Variants in SCYL2 observed in about 807,000 individuals in gnomAD.
The protein encoded by SCYL2 is SCY1-like protein 2.
In SCYL2, 36 loss-of-function variants were observed where a neutral mutation model predicts 100.4. The observed-to-expected ratio is 0.36, with a 90% CI of 0.27 to 0.47. The LOEUF (loss-of-function observed/expected upper bound fraction) is 0.47, where lower values mean the gene tolerates loss of function less well. SCYL2 is among the 20% of genes least tolerant of loss of function. The pLI is 1.00. For missense variants in SCYL2, 902 were observed against 1,083.9 expected (o/e 0.83, Z 2.36); for synonymous variants, 330 against 359.2 (o/e 0.92, Z 0.92).
chr12:100,279,319 T>A (rs1423291977), intron 1 of SCYL2, among the ~76,000 whole-genome samples: 1 of 152,246 alleles, frequency 6.6e-6, no homozygotes, highest in African/African-American at 2.4e-5. Context: ...GCCACCTATC[T>A]GAGAGGAGGC....
intron 1 of SCYL2, among the ~76,000 whole-genome samples, chr12:100,272,772 C>G (rs528101931): frequency 6.6e-6 from 1 of 152,114 alleles, no homozygotes; most frequent in African/African-American, 2.4e-5. Context: ...CTTAATTTTT[C>G]CTTTCTTCTC....
chr12:100,294,367 C>T (rs2096314854), intron 3 of SCYL2, among the ~76,000 whole-genome samples: 2 of 118,786 alleles, frequency 1.7e-5, no homozygotes, highest in Non-Finnish European at 1.8e-5. Flanking sequence ...GACGGGGCGG[C>T]TGGCCGGGCG....
In SCYL2 at chr12:100,291,738, C is replaced by G. The variant is rs947727198; in HGVS notation, c.335+78C>G. 6.6e-6 allele frequency: 9 copies of G among 1,364,936 alleles called. No individual in the cohort carries two copies. The Admixed American group carries it at 2.5e-4, about 37-fold the overall frequency. 84.6% of individuals were successfully genotyped at this position (1,364,936 alleles called of 1,614,324 possible). A position where few individuals can be genotyped will look rare whatever the true frequency, so the allele number is the denominator to read the frequency against. ...ATAATTTTATATTTGAAATCTGTTT[C>G]AAGTATTGTCAGTGAAAAATTCTTA... is the stretch of plus-strand genomic sequence containing the variant. On this transcript the variant is annotated intron_variant, in intron 3 of 17. Coordinates refer to ENST00000360820, the MANE Select transcript of SCYL2 (RefSeq NM_017988.6).
At chr12:100,320,170 A>G (rs2096353985) in intron 10 of SCYL2, among the ~76,000 whole-genome samples, 1 of 152,168 alleles carries the variant, frequency 6.6e-6, no homozygotes, top group African/African-American at 2.4e-5. Context: ...AGAGTTTGCT[A>G]ATTAGACTCC....
chr12:100,335,616 C>A lies in SCYL2; in HGVS notation c.1863-9C>A, dbSNP rs752554029. On this transcript the variant is annotated splice_polypyrimidine_tract_variant and intron_variant, in intron 14 of 17. Transcript: ENST00000360820. ...TTTATTGTTTTATCATAATTCAACT[C>A]TCCTACAGATCTTTGGATATAGGAA... 32 of 1,567,958 alleles carry A rather than the reference C, an allele frequency of 2.0e-5. No homozygotes were observed. In the African/African-American group the frequency reaches 3.7e-4, roughly 18 times the overall value.
intron 13 of SCYL2, among the ~76,000 whole-genome samples, chr12:100,329,814 G>T (rs139867782): frequency 4.7e-4 from 72 of 152,264 alleles, no homozygotes; most frequent in African/African-American, 1.7e-3. Context: ...ACTTCTAAGC[G>T]CACTTACGTG....
chr12:100,279,836 C>T (rs939314562), intron 1 of SCYL2, among the ~76,000 whole-genome samples: 1 of 152,212 alleles, frequency 6.6e-6, no homozygotes, highest in Non-Finnish European at 1.5e-5. Context: ...CTTGCCAGAC[C>T]TGGTGGAGTG....
chr12:100,339,447 T>C lies in SCYL2; in HGVS notation c.*275T>C. ...TCTCAAAGAGAAAAAGGAAACTGAG[T>C]TATCTTGAATAACATAACTTTTTAA... On this transcript the variant is annotated 3_prime_UTR_variant, in exon 18 of 18. Transcript: ENST00000360820. The C allele has an allele frequency of 2.6e-6, 1 of 391,808 alleles. No homozygotes were observed. Among genetic ancestry groups the C allele is most frequent in the Non-Finnish European group, 4.6e-6 (1 of 217,970 alleles). The allele number at this position is 391,808 out of a possible 1,614,324, so 24.3% of individuals were successfully genotyped here.
At chr12:100,304,337 G>A (rs1481086441) in intron 4 of SCYL2, among the ~76,000 whole-genome samples, 3 of 152,052 alleles carry the variant, frequency 2.0e-5, no homozygotes, top group Admixed American at 6.5e-5. Flanking sequence ...CTCGGTGTCT[G>A]CCCAAACGGC....
intron 3 of SCYL2, among the ~76,000 whole-genome samples, chr12:100,294,504 G>C (rs1260297567): frequency 8.4e-6 from 1 of 119,672 alleles, no homozygotes; most frequent in African/African-American, 3.5e-5. Context: ...CTGGCCAGGC[G>C]GGGGGCTGAC....
chr12:100,294,740 TG>T (rs2096316412), intron 3 of SCYL2, among the ~76,000 whole-genome samples: 1 of 61,496 alleles, frequency 1.6e-5, no homozygotes, highest in East Asian at 5.1e-4. Context: ...GCTGGCCGGG[TG>T]GGGGGCTGAC....
chr12:100,272,637 C>T (rs1175057472), intron 1 of SCYL2, among the ~76,000 whole-genome samples: 1 of 152,090 alleles, frequency 6.6e-6, no homozygotes, highest in African/African-American at 2.4e-5. Context: ...GAGTTCTTCC[C>T]CTATAAAACA....
At chr12:100,293,569 C>T (rs1320128091) in intron 3 of SCYL2, among the ~76,000 whole-genome samples, 1 of 149,796 alleles carries the variant, frequency 6.7e-6, no homozygotes, top group Non-Finnish European at 1.5e-5. Context: ...TTGGGTGTTT[C>T]TCACAGAGGG....
At chr12:100,270,700 C>T (rs972224331) in intron 1 of SCYL2, among the ~76,000 whole-genome samples, 1 of 150,598 alleles carries the variant, frequency 6.6e-6, no homozygotes, top group African/African-American at 2.5e-5. Context: ...GTCTCGAACT[C>T]CTGAGCTCAA....
At chr12:100,272,908 A>G (rs939297132) in intron 1 of SCYL2, among the ~76,000 whole-genome samples, 1 of 152,230 alleles carries the variant, frequency 6.6e-6, no homozygotes, top group Non-Finnish European at 1.5e-5. Context: ...AAATATCTGT[A>G]TAACTAGCAC....
intron 3 of SCYL2, among the ~76,000 whole-genome samples, chr12:100,294,452 G>A (rs2096315371): frequency 4.0e-5 from 4 of 100,400 alleles, no homozygotes; most frequent in African/African-American, 8.0e-5. Context: ...TCCCAGTAGG[G>A]GCGGCCGGGC....
intron 9 of SCYL2, among the ~76,000 whole-genome samples, chr12:100,316,367 T>A (rs2096348742): frequency 6.6e-6 from 1 of 152,252 alleles, no homozygotes; most frequent in Non-Finnish European, 1.5e-5. Flanking sequence ...TTACTTGAAG[T>A]ATGACTTGTG....
chr12:100,306,321 C>T (rs1566358363), intron 4 of SCYL2, among the ~76,000 whole-genome samples: 1 of 152,250 alleles, frequency 6.6e-6, no homozygotes, highest in Non-Finnish European at 1.5e-5. Context: ...AAGTCGGCTT[C>T]ATCCGTGGGA....
intron 14 of SCYL2, 150 bp downstream of exon 14, chr12:100,334,416 G>A (rs901222707): frequency 3.1e-6 from 2 of 636,244 alleles, no homozygotes; most frequent in Non-Finnish European, 5.6e-6. Context: ...ATGTTAATAA[G>A]TTGAACTGAA....
Sources: allele counts gnomAD v4.1 joint callset (sites outside exome capture counted in the v4.1 genomes callset), GRCh38; gene constraint gnomAD v4.1.1; transcripts MANE v1.5; gene names NCBI Gene and HGNC (gene_info 2026-07-23, HGNC 2026-07-21).